UBIAD1: variants seen among roughly 807,000 people sequenced by gnomAD.
The protein encoded by UBIAD1 is UbiA prenyltransferase domain containing 1.
A neutral mutation model predicts 20.1 loss-of-function variants in UBIAD1; 12 were observed. That is an observed-to-expected ratio of 0.60 (90% confidence interval 0.38 to 0.97). UBIAD1 has a LOEUF of 0.97. Ranked by LOEUF, UBIAD1 falls within the 50% of genes least tolerant of loss-of-function variation. The pLI is 0.00. For missense variants in UBIAD1, 333 were observed against 419.5 expected (o/e 0.79, Z 1.80); for synonymous variants, 207 against 189.2 (o/e 1.09, Z -0.77).
chr1:11,297,053 C>T (rs1365503034), downstream of UBIAD1, among the ~76,000 whole-genome samples: 2 of 152,078 alleles, frequency 1.3e-5, no homozygotes, highest in Non-Finnish European at 2.9e-5. Context: ...CTCTATGCTC[C>T]CAGAGCTTAT....
downstream of UBIAD1, chr1:11,292,179 G>GTT (rs1638377331): frequency 6.6e-6 from 1 of 151,828 alleles, no homozygotes; most frequent in Non-Finnish European, 1.5e-5. Flanking sequence ...TAATTTTTGT[G>GTT]TTTTTAGTAT....
chr1:11,274,871 G>A (rs979369822), intron 1 of UBIAD1, among the ~76,000 whole-genome samples: 4 of 152,104 alleles, frequency 2.6e-5, no homozygotes, highest in Non-Finnish European at 5.9e-5. Context: ...CCCTCCCAAA[G>A]TGCTGGGATT....
chr1:11,299,248 A>G (rs1638495154), downstream of UBIAD1, among the ~76,000 whole-genome samples: 1 of 152,190 alleles, frequency 6.6e-6, no homozygotes. Context: ...GAGCCACCAG[A>G]CGCTGGATCC....
chr1:11,281,806 A>G (rs1247686966), intron 1 of UBIAD1, among the ~76,000 whole-genome samples: 1 of 152,208 alleles, frequency 6.6e-6, no homozygotes, highest in Admixed American at 6.5e-5. Flanking sequence ...TGTCATATAA[A>G]TGGAACCTTT....
chr1:11,296,615 G>C (rs1035593517), downstream of UBIAD1, among the ~76,000 whole-genome samples: 1 of 152,124 alleles, frequency 6.6e-6, no homozygotes, highest in African/African-American at 2.4e-5. Context: ...ACCTCCCTGG[G>C]CTCAGGTGAT....
chr1:11,290,436 T>G (rs1569908822), downstream of UBIAD1, among the ~76,000 whole-genome samples: 1 of 152,192 alleles, frequency 6.6e-6, no homozygotes. Context: ...CAAGTGCCAG[T>G]GGGGCACAGA....
At chr1:11,279,919 A>C (rs1652186967) in intron 1 of UBIAD1, among the ~76,000 whole-genome samples, 1 of 152,188 alleles carries the variant, frequency 6.6e-6, no homozygotes, top group Non-Finnish European at 1.5e-5. Flanking sequence ...ACACTCCCAC[A>C]TTAGAGGTGG....
intron 1 of UBIAD1, among the ~76,000 whole-genome samples, chr1:11,274,883 C>T (rs1222461836): frequency 6.6e-6 from 1 of 152,222 alleles, no homozygotes; most frequent in Non-Finnish European, 1.5e-5. Flanking sequence ...GCTGGGATTA[C>T]AGGCGTGAGC....
intron 1 of UBIAD1, among the ~76,000 whole-genome samples, chr1:11,277,861 C>T (rs1315308305): frequency 6.6e-6 from 1 of 152,202 alleles, no homozygotes; most frequent in East Asian, 1.9e-4. Flanking sequence ...TCAGGCTGGT[C>T]TCAAACTCCT....
Position 11,273,326 on chromosome 1 carries a change from C to T in UBIAD1, c.-206C>T, listed in dbSNP as rs1438314694. 1 of 613,476 alleles carries T rather than the reference C, an allele frequency of 1.6e-6. No individual in the cohort carries two copies. The highest frequency in any genetic ancestry group is 1.9e-5 in the South Asian group (1 of 51,740). 38.0% of individuals were successfully genotyped at this position (613,476 alleles called of 1,614,324 possible). A position where few individuals can be genotyped will look rare whatever the true frequency, so the allele number is the denominator to read the frequency against. Reference sequence around the variant, plus strand: ...CCGGAGACAGACTTCGCCCAGGTGACGGGTAGTAGGGGCGGCGCCGCTTGG... The same window carrying T: ...CCGGAGACAGACTTCGCCCAGGTGATGGGTAGTAGGGGCGGCGCCGCTTGG... On this transcript the variant is annotated 5_prime_UTR_variant, in exon 1 of 2. The change creates a new upstream start codon in the 5' untranslated region. Transcript: ENST00000376810. This position sits in a 1 kb window ranked among gnomAD's most constrained non-coding sequence, Gnocchi z 4.9.
chr1:11,294,627 T>C (rs1049874966), intron 1 of UBIAD1, among the ~76,000 whole-genome samples: 4 of 152,216 alleles, frequency 2.6e-5, no homozygotes, highest in African/African-American at 9.6e-5. Flanking sequence ...GGATGGCTGC[T>C]TCCTGGCTGG....
intron 1 of UBIAD1, among the ~76,000 whole-genome samples, chr1:11,278,386 T>C (rs545868633): frequency 4.5e-4 from 69 of 152,368 alleles, no homozygotes; most frequent in African/African-American, 1.6e-3. Context: ...TATGTTTAAA[T>C]GACAGTACCT....
At chr1:11,290,910 C>T (rs1638356797), downstream of UBIAD1, among the ~76,000 whole-genome samples, 1 of 152,148 alleles carries the variant, frequency 6.6e-6, no homozygotes, top group African/African-American at 2.4e-5. Flanking sequence ...TTGCAGTGAG[C>T]CGAGATCACG....
chr1:11,276,862 T>G (rs74383850), intron 1 of UBIAD1, among the ~76,000 whole-genome samples: 1 of 152,152 alleles, frequency 6.6e-6, no homozygotes, highest in Non-Finnish European at 1.5e-5. Context: ...CCCAACATTT[T>G]TTATTATAAG....
At chr1:11,294,309 A>G (rs186341997) in intron 1 of UBIAD1, among the ~76,000 whole-genome samples, 3,285 of 152,040 alleles carry the variant, frequency 0.022, 107 homozygotes, top group African/African-American at 0.072. Flanking sequence ...TTCTTTTATT[A>G]TTATTATTTT....
In UBIAD1 at chr1:11,279,180, A is replaced by G. The variant is rs528544013; in HGVS notation, c.529+5120A>G. The stretch of plus-strand genomic sequence containing the variant: ...TGCCCGGCCTATATTCTCTTTTCAT[A>G]ATTTGTCCTTGGTGGCCCAATAATC... On this transcript the variant is annotated intron_variant, in intron 1 of 1. Coordinates refer to ENST00000376810, the MANE Select transcript of UBIAD1 (RefSeq NM_013319.3). The G allele has an allele frequency of 7.8e-5, 18 of 229,388 alleles. No homozygotes were observed. In the South Asian group the frequency reaches 1.4e-3, roughly 18 times the overall value. 14.2% of individuals were successfully genotyped at this position (229,388 alleles called of 1,614,324 possible).
At chr1:11,276,206 C>T (rs760002769) in intron 1 of UBIAD1, among the ~76,000 whole-genome samples, 6 of 152,018 alleles carry the variant, frequency 3.9e-5, no homozygotes, top group African/African-American at 7.2e-5. Context: ...TTGTATCTAG[C>T]GGGTGGTAGT....
downstream of UBIAD1, among the ~76,000 whole-genome samples, chr1:11,292,712 C>T (rs1178461873): frequency 6.8e-6 from 1 of 147,328 alleles, no homozygotes; most frequent in Non-Finnish European, 1.5e-5. Context: ...CACACACACA[C>T]TCACAGAGTT....
intron 1 of UBIAD1, among the ~76,000 whole-genome samples, chr1:11,283,306 G>C (rs984171925): frequency 1.6e-4 from 24 of 152,214 alleles, no homozygotes; most frequent in African/African-American, 5.5e-4. Flanking sequence ...CACAGCAAGA[G>C]TGGGCAGCTG....
Sources: allele counts gnomAD v4.1 joint callset (sites outside exome capture counted in the v4.1 genomes callset), GRCh38; gene constraint gnomAD v4.1.1; non-coding constraint Gnocchi (gnomAD v3.1); transcripts MANE v1.5; gene names NCBI Gene and HGNC (gene_info 2026-07-23, HGNC 2026-07-21).